The following MAP3K20 variants were observed in gnomAD, a reference collection of about 807,000 sequenced individuals.
MAP3K20 encodes HCCS-4.
Under a neutral mutation model 85.7 loss-of-function variants are expected in MAP3K20, and 40 were observed. That is an observed-to-expected ratio of 0.47 (90% CI 0.36 to 0.61). The LOEUF is 0.61. Among genes scored for constraint, MAP3K20 ranks in the 20% least tolerant of loss-of-function variants. The probability of loss-of-function intolerance (pLI) is 0.00; values close to 1 mark genes in which losing one functional copy is unlikely to be tolerated. For missense variants in MAP3K20, 817 were observed against 961.7 expected, an observed-to-expected ratio of 0.85 and a Z score of 1.99; for synonymous variants, 325 against 327.7, an observed-to-expected ratio of 0.99 and a Z score of 0.09.
chr2:173,094,954 C>CTATT (rs1450271642), intron 2 of MAP3K20, among the ~76,000 whole-genome samples: 1 of 152,198 alleles, frequency 6.6e-6, no homozygotes, highest in Non-Finnish European at 1.5e-5. Flanking sequence ...TTTTTAGCAT[C>CTATT]TATTGATGAT....
intron 14 of MAP3K20, among the ~76,000 whole-genome samples, chr2:173,237,794 C>T (rs72625242): frequency 0.11 from 16,799 of 152,188 alleles, 1,596 homozygotes; most frequent in East Asian, 0.56. Context: ...TTCTGTACAA[C>T]AGAACATCCA....
chr2:173,210,348 C>CCAT (rs972359330), intron 10 of MAP3K20: 4 of 151,586 alleles, frequency 2.6e-5, no homozygotes, highest in African/African-American at 9.8e-5. Context: ...GTGAAAAACT[C>CCAT]CATCTCAAAA....
chr2:173,201,174 TTAA>T (rs1360189919), intron 8 of MAP3K20, among the ~76,000 whole-genome samples: 6 of 152,200 alleles, frequency 3.9e-5, no homozygotes, highest in South Asian at 2.1e-4. Context: ...TTCTAATCCC[TTAA>T]TAATAAAATA....
In MAP3K20 at chr2:173,119,600, A is replaced by G. The variant is rs186364373; in HGVS notation, c.159+28410A>G. On this transcript the variant is annotated intron_variant, in intron 2 of 19. Transcript: ENST00000375213. ...AGCTCCAGTATCACGAGGCAGCACA[A>G]AACACGATGGATTTGGTGGTGCTGA... Among the ~76,000 whole-genome samples the G allele has an allele frequency of 3.3e-5, 5 of 152,370 alleles. No individual in the cohort carries two copies. In the East Asian group the frequency reaches 9.6e-4, roughly 29 times the overall value.
At chr2:173,221,653 A>C in intron 11 of MAP3K20, 1 of 1,359,174 alleles carries the variant, frequency 7.4e-7, no homozygotes, top group South Asian at 2.3e-5. Context: ...TAGGCCAATC[A>C]CATTTACATG....
intron 11 of MAP3K20, among the ~76,000 whole-genome samples, chr2:173,228,459 A>G (rs948025505): frequency 6.6e-6 from 1 of 152,228 alleles, no homozygotes; most frequent in African/African-American, 2.4e-5. Flanking sequence ...TTGTGAATAC[A>G]TCTGTCTATG....
At chr2:173,090,280 G>A (rs182199529) in intron 1 of MAP3K20, among the ~76,000 whole-genome samples, 2 of 152,260 alleles carry the variant, frequency 1.3e-5, no homozygotes, top group East Asian at 3.9e-4. Context: ...TAATCTCTGG[G>A]AGGGGTAATA....
intron 16 of MAP3K20, among the ~76,000 whole-genome samples, chr2:173,241,960 T>A (rs1465180634): frequency 1.3e-5 from 2 of 152,194 alleles, no homozygotes; most frequent in Non-Finnish European, 2.9e-5. Context: ...TCAGAAGCAC[T>A]TCTAACCCTG....
intron 3 of MAP3K20, among the ~76,000 whole-genome samples, chr2:173,181,907 C>T (rs1290266543): frequency 1.5e-5 from 2 of 134,932 alleles, no homozygotes; most frequent in Non-Finnish European, 3.2e-5. Context: ...AAAAAAAAAT[C>T]AGCCTCAGCA....
intron 1 of MAP3K20, among the ~76,000 whole-genome samples, chr2:173,083,499 G>A (rs895031550): frequency 5.9e-5 from 9 of 152,018 alleles, no homozygotes; most frequent in Non-Finnish European, 1.3e-4. Context: ...GATTACAGGT[G>A]TGAGCCACTG....
At chr2:173,237,417 G>A (rs925119578) in intron 14 of MAP3K20, among the ~76,000 whole-genome samples, 9 of 152,132 alleles carry the variant, frequency 5.9e-5, no homozygotes, top group African/African-American at 2.2e-4. Flanking sequence ...TCGTGTGGAG[G>A]AGTAGAGTGT....
At chr2:173,138,703 G>A (rs1403037807) in intron 2 of MAP3K20, among the ~76,000 whole-genome samples, 9 of 152,184 alleles carry the variant, frequency 5.9e-5, no homozygotes. Context: ...GGTTCCCTCT[G>A]TGTCTGTTGC....
At position 173,191,100 on chromosome 2, in the gene MAP3K20, A is replaced by T; in HGVS notation, c.505A>T (p.Thr169Ser). ...NHTTHMSLVG[T>S]FPWMAPEVIQ... ...TACAACACACATGTCCTTGGTTGGAACTTTCCCATGGATGGCTCCAGAAGT... is the reference window on the plus strand; with the variant it reads ...TACAACACACATGTCCTTGGTTGGATCTTTCCCATGGATGGCTCCAGAAGT... The change falls in exon 7 of 20, where the codon ACT becomes TCT. Residue 169 changes from threonine (T) to serine (S), a missense_variant. Around this residue, in one of 4 missense-constraint regions of MAP3K20, gnomAD observed 200 missense variants for 302.7 expected, o/e 0.66. Coordinates refer to ENST00000375213, the MANE Select transcript of MAP3K20 (RefSeq NM_016653.3). The T allele has an allele frequency of 6.2e-7, 1 of 1,614,016 alleles. No homozygotes were observed. The highest frequency in any genetic ancestry group is 8.5e-7 in the Non-Finnish European group (1 of 1,179,936).
chr2:173,107,989 T>C (rs991036365), intron 2 of MAP3K20, among the ~76,000 whole-genome samples: 3 of 152,230 alleles, frequency 2.0e-5, no homozygotes, highest in African/African-American at 7.2e-5. Context: ...GCTATTTACA[T>C]CATCCTAGAG....
intron 7 of MAP3K20, among the ~76,000 whole-genome samples, chr2:173,193,213 A>T (rs986255254): frequency 6.6e-6 from 1 of 152,090 alleles, no homozygotes; most frequent in Non-Finnish European, 1.5e-5. Context: ...GTATATATGT[A>T]TGTTGGTTAT....
At chr2:173,128,532 A>G (rs1451974261) in intron 2 of MAP3K20, among the ~76,000 whole-genome samples, 1 of 151,992 alleles carries the variant, frequency 6.6e-6, no homozygotes, top group Non-Finnish European at 1.5e-5. Flanking sequence ...AGGTTTTGCC[A>G]TGTTGGCCAG....
chr2:173,145,568 C>G (rs918277375), intron 2 of MAP3K20, among the ~76,000 whole-genome samples: 5 of 152,008 alleles, frequency 3.3e-5, no homozygotes, highest in African/African-American at 9.7e-5. Flanking sequence ...ACAGTGAGAC[C>G]CATTTCACCC....
At chr2:173,173,579 C>T (rs1406617172) in intron 3 of MAP3K20, among the ~76,000 whole-genome samples, 1 of 152,180 alleles carries the variant, frequency 6.6e-6, no homozygotes, top group Admixed American at 6.5e-5. Context: ...TCTCATTTCC[C>T]TTAACTTGAT....
intron 1 of MAP3K20, among the ~76,000 whole-genome samples, chr2:173,084,494 T>C (rs1052349528): frequency 1.3e-5 from 2 of 150,242 alleles, no homozygotes; most frequent in African/African-American, 4.9e-5. Flanking sequence ...TAAAAGAAAT[T>C]ATAATTACTT....
Sources: gnomAD v4.1 joint callset for allele counts (sites outside exome capture counted in the v4.1 genomes callset) on GRCh38, gnomAD v4.1.1 for gene constraint, gnomAD v4.1.1 regional missense constraint, MANE v1.5 for transcripts, NCBI Gene and HGNC (gene_info 2026-07-23, HGNC 2026-07-21) for gene names.